CDK14: variants seen among roughly 807,000 people sequenced by gnomAD.
CDK14 encodes the protein cyclin-dependent kinase 14.
A neutral mutation model predicts 60.7 loss-of-function variants in CDK14; 34 were observed. That is an observed-to-expected ratio of 0.56 (90% confidence interval 0.43 to 0.75). The LOEUF (loss-of-function observed/expected upper bound fraction) is 0.75. CDK14 is among the 30% of genes least tolerant of loss of function. The pLI is 0.00. For missense variants in CDK14, 482 were observed against 564.1 expected (o/e 0.85, Z 1.47); for synonymous variants, 197 against 203.7 (o/e 0.97, Z 0.28).
At position 90,718,268 on chromosome 7, in the gene CDK14, G is replaced by T. The variant is rs768160851; in HGVS notation, c.124-8299G>T. Among the ~76,000 whole-genome samples, 24 of 152,158 alleles carry T rather than the reference G, an allele frequency of 1.6e-4. No individual in the cohort carries two copies. The Middle Eastern group carries it at 0.014, about 86-fold the overall frequency. ...TTAAGGAAAATCTGAAAAGACTGGA[G>T]ACATTAAGAGAAGTGTATACATGGT... is the stretch of plus-strand genomic sequence containing the variant. On this transcript the variant is annotated intron_variant, in intron 2 of 14. Transcript: ENST00000380050.
At chr7:90,856,715 G>A (rs1026601705) in intron 5 of CDK14, among the ~76,000 whole-genome samples, 3 of 152,096 alleles carry the variant, frequency 2.0e-5, no homozygotes, top group African/African-American at 7.2e-5. Context: ...AGACTCCACT[G>A]GCAAGTAAGG....
chr7:90,927,820 T>C (rs1793463412), intron 8 of CDK14, among the ~76,000 whole-genome samples: 1 of 152,196 alleles, frequency 6.6e-6, no homozygotes, highest in Non-Finnish European at 1.5e-5. Context: ...TCCAACTTGG[T>C]TCCATTCCCC....
chr7:91,038,173 G>A (rs1796986043), intron 10 of CDK14, among the ~76,000 whole-genome samples: 1 of 152,094 alleles, frequency 6.6e-6, no homozygotes, highest in Admixed American at 6.5e-5. Context: ...AAGGTAGGAG[G>A]AAAAGCAGAA....
chr7:90,864,577 G>C (rs988108395), intron 6 of CDK14, among the ~76,000 whole-genome samples: 1 of 152,074 alleles, frequency 6.6e-6, no homozygotes, highest in African/African-American at 2.4e-5. Context: ...TAAAAGGAAG[G>C]AAAGTAGCTT....
At chr7:90,831,644 G>C (rs1789913877) in intron 5 of CDK14, among the ~76,000 whole-genome samples, 1 of 151,948 alleles carries the variant, frequency 6.6e-6, no homozygotes, top group African/African-American at 2.4e-5. Flanking sequence ...TTCCTTGGCT[G>C]CCATTCTCTC....
At chr7:90,605,806 A>G (rs1361349510) in intron 2 of CDK14, among the ~76,000 whole-genome samples, 2 of 152,180 alleles carry the variant, frequency 1.3e-5, no homozygotes, top group Non-Finnish European at 2.9e-5. Flanking sequence ...ATAACATTAT[A>G]TTTTCCCATG....
intron 11 of CDK14, among the ~76,000 whole-genome samples, chr7:91,064,914 A>G (rs1349974071): frequency 6.6e-6 from 1 of 152,072 alleles, no homozygotes; most frequent in Non-Finnish European, 1.5e-5. Context: ...TTAGTTCTCT[A>G]GAGAAAAATG....
At chr7:90,732,825 C>A (rs1363753656) in intron 3 of CDK14, among the ~76,000 whole-genome samples, 1 of 151,774 alleles carries the variant, frequency 6.6e-6, no homozygotes, top group Non-Finnish European at 1.5e-5. Flanking sequence ...AGAGTTTTTC[C>A]TGTCTCTATA....
At chr7:90,803,164 A>G (rs900893380) in intron 5 of CDK14, among the ~76,000 whole-genome samples, 8 of 151,016 alleles carry the variant, frequency 5.3e-5, no homozygotes, top group African/African-American at 1.9e-4. Flanking sequence ...TCTTGGAAGG[A>G]GGCTTCAGTT....
chr7:90,654,201 A>T (rs1259465882), intron 2 of CDK14, among the ~76,000 whole-genome samples: 1 of 152,094 alleles, frequency 6.6e-6, no homozygotes, highest in African/African-American at 2.4e-5. Flanking sequence ...AACCTTGAGG[A>T]TAAGAAATAG....
At chr7:91,048,087 A>C (rs1218065246) in intron 11 of CDK14, among the ~76,000 whole-genome samples, 2 of 152,148 alleles carry the variant, frequency 1.3e-5, no homozygotes, top group African/African-American at 4.8e-5. Context: ...ATAGATAATA[A>C]ATTTAAGCAA....
chr7:90,631,788 T>C (rs1800002622), intron 2 of CDK14: 1 of 152,210 alleles, frequency 6.6e-6, no homozygotes, highest in African/African-American at 2.4e-5. Context: ...GGCTAGAATG[T>C]TGCTCATTAA....
intron 5 of CDK14, among the ~76,000 whole-genome samples, chr7:90,792,835 A>G (rs562320420): frequency 1.4e-4 from 17 of 120,430 alleles, no homozygotes; most frequent in African/African-American, 4.9e-4. Context: ...TTCAAGTCCT[A>G]TATGACTGAT....
chr7:90,906,693 G>C (rs1792718284), intron 7 of CDK14, among the ~76,000 whole-genome samples: 1 of 151,978 alleles, frequency 6.6e-6, no homozygotes, highest in Admixed American at 6.6e-5. Flanking sequence ...TGTGGAGATT[G>C]TTCCTTAGTG....
chr7:90,730,044 C>A (rs1413394426), intron 3 of CDK14, among the ~76,000 whole-genome samples: 1 of 151,942 alleles, frequency 6.6e-6, no homozygotes, highest in African/African-American at 2.4e-5. Context: ...TATGATGTTC[C>A]CCTCCCTGTG....
Position 90,596,567 on chromosome 7 carries a change from C to A in CDK14, c.-61C>A. ...GCTTTCCCCGCGGCGCGCGCCCTCGCCGTTGTCTGAGCTGTGCCTGGACCA... is the reference window on the plus strand; with the variant it reads ...GCTTTCCCCGCGGCGCGCGCCCTCGACGTTGTCTGAGCTGTGCCTGGACCA... On this transcript the variant is annotated 5_prime_UTR_variant, in exon 1 of 15. Coordinates refer to ENST00000380050, the MANE Select transcript of CDK14 (RefSeq NM_001287135.2). The A allele has an allele frequency of 6.9e-7, 1 of 1,441,592 alleles. No individual in the cohort carries two copies. Among genetic ancestry groups the A allele is most frequent in the Admixed American group, 1.8e-5 (1 of 56,782 alleles). 89.3% of individuals were successfully genotyped at this position (1,441,592 alleles called of 1,614,324 possible).
At chr7:90,941,128 G>A (rs1250024065) in intron 8 of CDK14, among the ~76,000 whole-genome samples, 1 of 152,136 alleles carries the variant, frequency 6.6e-6, no homozygotes, top group Non-Finnish European at 1.5e-5. Flanking sequence ...TCCACAACAG[G>A]GAAAAATAAC....
chr7:90,900,387 G>A (rs1792468591), intron 7 of CDK14, among the ~76,000 whole-genome samples: 1 of 152,018 alleles, frequency 6.6e-6, no homozygotes, highest in Non-Finnish European at 1.5e-5. Flanking sequence ...TTAAAAATGT[G>A]TAACCATTAA....
chr7:90,695,152 C>A (rs1448114976), intron 2 of CDK14, among the ~76,000 whole-genome samples: 1 of 152,176 alleles, frequency 6.6e-6, no homozygotes, highest in African/African-American at 2.4e-5. Context: ...CATCTTTCAC[C>A]TGTGCTCCTT....
Sources: gnomAD v4.1 joint callset for allele counts (sites outside exome capture counted in the v4.1 genomes callset) on GRCh38, gnomAD v4.1.1 for gene constraint, MANE v1.5 for transcripts, NCBI Gene and HGNC (gene_info 2026-07-23, HGNC 2026-07-21) for gene names.